ST6GALNAC3: variants seen among roughly 807,000 people sequenced by gnomAD.
ST6GALNAC3 encodes alpha-N-acetylgalactosaminide alpha-2,6-sialyltransferase 3.
ST6GALNAC3 carries 25 observed loss-of-function variants against 32.7 expected under a neutral mutation model. The ratio of observed to expected loss-of-function variants is 0.76; its 90% CI spans 0.56 to 1.07. The LOEUF (loss-of-function observed/expected upper bound fraction) is 1.07, where lower values mean the gene tolerates loss of function less well. ST6GALNAC3 is among the 50% of genes least tolerant of loss of function. The pLI is 0.00. For synonymous variants in ST6GALNAC3, 129 were observed against 133.1 expected (o/e 0.97, Z 0.21); for missense variants, 355 against 382.4 (o/e 0.93, Z 0.60).
chr1:76,327,095 T>TA (rs1250564967), intron 2 of ST6GALNAC3, among the ~76,000 whole-genome samples: 6 of 152,224 alleles, frequency 3.9e-5, no homozygotes, highest in Admixed American at 3.9e-4. Context: ...GTTGAGTTTT[T>TA]ATCAGATGAC....
At chr1:76,264,784 T>C (rs773155132) in intron 1 of ST6GALNAC3, among the ~76,000 whole-genome samples, 1 of 152,100 alleles carries the variant, frequency 6.6e-6, no homozygotes, top group Non-Finnish European at 1.5e-5. Context: ...ATAGTAGTAG[T>C]GGATAGTGTG....
chr1:76,350,725 GTA>G lies in ST6GALNAC3; in HGVS notation c.213+36728_213+36729del, dbSNP rs148091767. On this transcript the variant is annotated intron_variant, in intron 2 of 4. Transcript: ENST00000328299. Reference sequence around the variant, plus strand: ...TTAAAATTACAATAATGGATTAAAAGTATTATTTTATCTCATCTAAGACATGT... The same window carrying G: ...TTAAAATTACAATAATGGATTAAAAGTTATTTTATCTCATCTAAGACATGT... Among the ~76,000 whole-genome samples the G allele has an allele frequency of 2.3e-3, 355 of 152,188 alleles. 2 individuals are homozygous for G. The highest frequency in any genetic ancestry group is 8.2e-3 in the African/African-American group (340 of 41,530).
At chr1:76,611,546 C>T (rs540967930) in intron 3 of ST6GALNAC3, among the ~76,000 whole-genome samples, 1 of 152,260 alleles carries the variant, frequency 6.6e-6, no homozygotes, top group East Asian at 1.9e-4. Flanking sequence ...CTCCATACCC[C>T]TCTCCTCCCT....
chr1:76,361,818 AAT>A (rs1649962702), intron 2 of ST6GALNAC3, among the ~76,000 whole-genome samples: 1 of 151,414 alleles, frequency 6.6e-6, no homozygotes, highest in South Asian at 2.1e-4. Context: ...ATCTCTACTA[AAT>A]ATACAAAAAT....
chr1:76,216,015 C>A (rs1317033090), intron 1 of ST6GALNAC3, among the ~76,000 whole-genome samples: 1 of 151,894 alleles, frequency 6.6e-6, no homozygotes, highest in Non-Finnish European at 1.5e-5. Context: ...GGTTTCTTTT[C>A]ATCCCTCTCC....
rs544310871 is a variant in ST6GALNAC3, at chr1:76,496,358, A to C, written c.623+83941A>C. 5.6e-4 allele frequency among the ~76,000 whole-genome samples: 86 copies of C among 152,320 alleles called. 1 individual carries two copies. The highest frequency in any genetic ancestry group is 2.0e-3 in the African/African-American group (82 of 41,588). ...AACCATCACAAAAGGGTATGGGGGA[A>C]GCACTTGAACCCATACCGGGCATTC... On this transcript the variant is annotated intron_variant, in intron 3 of 4. Coordinates refer to ENST00000328299, the MANE Select transcript of ST6GALNAC3 (RefSeq NM_152996.4).
intron 3 of ST6GALNAC3, among the ~76,000 whole-genome samples, chr1:76,567,577 G>T (rs1223627183): frequency 1.3e-5 from 2 of 152,148 alleles, no homozygotes; most frequent in Non-Finnish European, 2.9e-5. Context: ...TTCACCAGAT[G>T]CAATAATATC....
intron 3 of ST6GALNAC3, among the ~76,000 whole-genome samples, chr1:76,547,149 A>G (rs1330077036): frequency 1.3e-5 from 2 of 152,140 alleles, no homozygotes; most frequent in African/African-American, 4.8e-5. Flanking sequence ...CTTCTTGCCT[A>G]AACCAGCACT....
intron 3 of ST6GALNAC3, among the ~76,000 whole-genome samples, chr1:76,607,486 C>T (rs72991880): frequency 0.037 from 5,685 of 152,154 alleles, 353 homozygotes; most frequent in African/African-American, 0.13. Flanking sequence ...GTCTAGGGAG[C>T]CCATCCACTA....
intron 3 of ST6GALNAC3, among the ~76,000 whole-genome samples, chr1:76,418,267 A>G (rs1654782559): frequency 6.6e-6 from 1 of 152,082 alleles, no homozygotes; most frequent in South Asian, 2.1e-4. Flanking sequence ...CTTTAGTAAT[A>G]TCTAGAGTGG....
At chr1:76,449,442 G>A (rs1657227680) in intron 3 of ST6GALNAC3, among the ~76,000 whole-genome samples, 1 of 152,182 alleles carries the variant, frequency 6.6e-6, no homozygotes, top group African/African-American at 2.4e-5. Flanking sequence ...AAATACTAAA[G>A]AATACAATTG....
chr1:76,553,100 T>C (rs10782626), intron 3 of ST6GALNAC3, among the ~76,000 whole-genome samples: 47,980 of 152,074 alleles, frequency 0.32, 8,095 homozygotes, highest in African/African-American at 0.44. Flanking sequence ...TAATCAATAG[T>C]GTTTCAAAGA....
At chr1:76,099,214 G>C (rs1647180038) in intron 1 of ST6GALNAC3, among the ~76,000 whole-genome samples, 1 of 152,018 alleles carries the variant, frequency 6.6e-6, no homozygotes, top group African/African-American at 2.4e-5. Context: ...CTCCCACCTT[G>C]CTGTTTCTCT....
chr1:76,536,654 C>CAAAAAAAAAAAAAAAAAA (rs35157329), intron 3 of ST6GALNAC3, among the ~76,000 whole-genome samples: 1 of 57,614 alleles, frequency 1.7e-5, no homozygotes, highest in Non-Finnish European at 3.2e-5. Flanking sequence ...AAATGGAAAG[C>CAAAAAAAAAAAAAAAAAA]AAAAAAAAAA....
intron 1 of ST6GALNAC3, among the ~76,000 whole-genome samples, chr1:76,089,464 T>C (rs919951636): frequency 2.6e-5 from 4 of 152,232 alleles, no homozygotes; most frequent in African/African-American, 9.6e-5. Context: ...CACGGGTAAT[T>C]TCAAACAGAA....
At chr1:76,604,405 C>G (rs1647390861) in intron 3 of ST6GALNAC3, among the ~76,000 whole-genome samples, 1 of 152,142 alleles carries the variant, frequency 6.6e-6, no homozygotes, top group Non-Finnish European at 1.5e-5. Context: ...CTTAAGTATT[C>G]TCTATGAGAG....
intron 1 of ST6GALNAC3, among the ~76,000 whole-genome samples, chr1:76,092,127 G>A (rs760101404): frequency 2.0e-5 from 3 of 152,196 alleles, no homozygotes; most frequent in Non-Finnish European, 2.9e-5. Flanking sequence ...AATGGTACAA[G>A]TGGAAACACA....
At chr1:76,246,970 C>T (rs1207548103) in intron 1 of ST6GALNAC3, among the ~76,000 whole-genome samples, 1 of 152,100 alleles carries the variant, frequency 6.6e-6, no homozygotes, top group African/African-American at 2.4e-5. Context: ...AGGCTGATGA[C>T]CTTTGGATGG....
At chr1:76,265,825 G>A (rs542928285) in intron 1 of ST6GALNAC3, among the ~76,000 whole-genome samples, 44 of 152,276 alleles carry the variant, frequency 2.9e-4, no homozygotes, top group Non-Finnish European at 5.4e-4. Context: ...TTCTCAAATA[G>A]TTGTGTGCAT....
Sources: allele counts gnomAD v4.1 joint callset (sites outside exome capture counted in the v4.1 genomes callset), GRCh38; gene constraint gnomAD v4.1.1; transcripts MANE v1.5; gene names NCBI Gene and HGNC (gene_info 2026-07-23, HGNC 2026-07-21).